Variants in VPS13B observed in about 807,000 individuals in gnomAD.
The protein encoded by VPS13B is vacuolar protein sorting 13 homolog B, also known as intermembrane lipid transfer protein VPS13B.
A neutral mutation model predicts 426.4 loss-of-function variants in VPS13B; 285 were observed. The ratio of observed to expected loss-of-function variants is 0.67; its 90% CI spans 0.61 to 0.74. The LOEUF is 0.74. VPS13B is among the 30% of genes least tolerant of loss of function. VPS13B has a pLI of 0.00. For synonymous variants in VPS13B, 1,676 were observed against 1,676.4 expected (o/e 1.00, Z 0.01); for missense variants, 4,537 against 4,782.6 (o/e 0.95, Z 1.51).
At chr8:99,226,218 G>C (rs1182569176) in intron 17 of VPS13B, among the ~76,000 whole-genome samples, 1 of 152,152 alleles carries the variant, frequency 6.6e-6, no homozygotes, top group Non-Finnish European at 1.5e-5. Flanking sequence ...ATACCTCCTT[G>C]CTGTTGCACA....
intron 8 of VPS13B, among the ~76,000 whole-genome samples, chr8:99,128,363 G>A (rs1809551260): frequency 9.2e-6 from 1 of 109,152 alleles, no homozygotes; most frequent in Admixed American, 1.4e-4. Context: ...CTCCAGCCTG[G>A]GTGACAGAGC....
intron 39 of VPS13B, among the ~76,000 whole-genome samples, chr8:99,732,775 G>A (rs1035086757): frequency 3.3e-5 from 5 of 152,250 alleles, no homozygotes; most frequent in African/African-American, 4.8e-5. Flanking sequence ...TGGGATTTTC[G>A]AAACAAAAAA....
In VPS13B at chr8:99,588,402, T is replaced by C. The variant is rs184900187; in HGVS notation, c.5220+10769T>C. Among the ~76,000 whole-genome samples the C allele has an allele frequency of 8.0e-3, 1,212 of 151,824 alleles. 12 individuals carry two copies. The highest frequency in any genetic ancestry group is 0.037 in the South Asian group (177 of 4,822). On this transcript the variant is annotated intron_variant, in intron 33 of 61. Coordinates refer to ENST00000357162, the MANE Select transcript of VPS13B (RefSeq NM_152564.5). ...GGATGTCATTGAATCTACAAATTACTTTGGACAGTATGGCCATTTTCACAA... is the reference window on the plus strand; with the variant it reads ...GGATGTCATTGAATCTACAAATTACCTTGGACAGTATGGCCATTTTCACAA...
At chr8:99,620,262 C>G (rs955369745) in intron 33 of VPS13B, among the ~76,000 whole-genome samples, 1 of 152,294 alleles carries the variant, frequency 6.6e-6, no homozygotes, top group Admixed American at 6.5e-5. Context: ...CTTCTTAAGA[C>G]AGCAGTAAGT....
At chr8:99,734,690 A>G (rs1297755223) in intron 39 of VPS13B, among the ~76,000 whole-genome samples, 3 of 152,222 alleles carry the variant, frequency 2.0e-5, no homozygotes, top group Admixed American at 2.0e-4. Flanking sequence ...GAAAGGATGA[A>G]TCAGGACATA....
At chr8:99,333,663 G>T (rs1233162217) in intron 19 of VPS13B, among the ~76,000 whole-genome samples, 1 of 151,696 alleles carries the variant, frequency 6.6e-6, no homozygotes, top group Non-Finnish European at 1.5e-5. Context: ...CTTTCCTTCT[G>T]CTTCCTCCTC....
chr8:99,343,290 C>T (rs891979042), intron 19 of VPS13B, among the ~76,000 whole-genome samples: 10 of 151,606 alleles, frequency 6.6e-5, no homozygotes, highest in African/African-American at 2.4e-4. Context: ...GACAGGGTTT[C>T]ACCATGTTGG....
At chr8:99,542,136 G>A (rs973079866) in intron 30 of VPS13B, among the ~76,000 whole-genome samples, 1 of 152,082 alleles carries the variant, frequency 6.6e-6, no homozygotes, top group Admixed American at 6.6e-5. Flanking sequence ...TGATCCGCCC[G>A]CCTTGGCCTC....
Position 99,233,548 on chromosome 8 carries a change from A to C in VPS13B, c.2515+40491A>C, listed in dbSNP as rs554816138. On this transcript the variant is annotated intron_variant, in intron 17 of 61. Transcript: ENST00000357162. ...CGGGCCAAACTGGTGATGGGGGTAC[A>C]GGCTGGAGAAAGTATCTGGAGTGGG... is the stretch of plus-strand genomic sequence containing the variant. 8 of 1,124,800 alleles carry C rather than the reference A, an allele frequency of 7.1e-6. No homozygotes were observed. In the East Asian group the frequency reaches 1.9e-4, roughly 26 times the overall value. The allele number at this position is 1,124,800 out of a possible 1,614,324, so 69.7% of individuals were successfully genotyped here.
intron 2 of VPS13B, among the ~76,000 whole-genome samples, chr8:99,026,310 T>C (rs191215070): frequency 2.0e-5 from 3 of 152,214 alleles, no homozygotes; most frequent in African/African-American, 7.2e-5. Flanking sequence ...GTTTCCAAAG[T>C]GTACTTGTTA....
chr8:99,211,168 AAT>A (rs780566086), intron 17 of VPS13B, among the ~76,000 whole-genome samples: 1 of 152,132 alleles, frequency 6.6e-6, no homozygotes, highest in East Asian at 1.9e-4. Context: ...TGAGAGGCTG[AAT>A]GAAGTAGGCA....
chr8:99,059,456 A>G (rs555329123), intron 3 of VPS13B, among the ~76,000 whole-genome samples: 8 of 152,022 alleles, frequency 5.3e-5, no homozygotes, highest in African/African-American at 1.9e-4. Context: ...GATTACAGGC[A>G]TGAGCCACCA....
At chr8:99,411,602 G>A (rs558578564) in intron 21 of VPS13B, among the ~76,000 whole-genome samples, 22 of 152,070 alleles carry the variant, frequency 1.4e-4, no homozygotes, top group Middle Eastern at 3.4e-3. Context: ...TTTTGTTGCC[G>A]TTGCTTTTGG....
At chr8:99,455,956 G>A (rs1403082184) in intron 23 of VPS13B, among the ~76,000 whole-genome samples, 1 of 152,194 alleles carries the variant, frequency 6.6e-6, no homozygotes, top group Admixed American at 6.5e-5. Context: ...TGTTGTAACT[G>A]ATCATTGATA....
chr8:99,358,704 A>G (rs1158977272), intron 19 of VPS13B, among the ~76,000 whole-genome samples: 1 of 152,196 alleles, frequency 6.6e-6, no homozygotes, highest in Non-Finnish European at 1.5e-5. Context: ...GAAGAATAGC[A>G]GACAGTTATG....
chr8:99,563,241 A>G (rs1825022966), intron 31 of VPS13B, among the ~76,000 whole-genome samples: 1 of 152,224 alleles, frequency 6.6e-6, no homozygotes, highest in South Asian at 2.1e-4. Flanking sequence ...TACACTGGAG[A>G]AACAAAATGA....
chr8:99,665,003 C>T (rs946917488), intron 35 of VPS13B, among the ~76,000 whole-genome samples: 2 of 152,116 alleles, frequency 1.3e-5, no homozygotes, highest in Non-Finnish European at 2.9e-5. Flanking sequence ...TTTTAATGAT[C>T]ACCATTCTAA....
intron 19 of VPS13B, among the ~76,000 whole-genome samples, chr8:99,308,449 G>C (rs558907077): frequency 1.6e-4 from 25 of 152,124 alleles, no homozygotes; most frequent in African/African-American, 5.8e-4. Flanking sequence ...TTGTCCTTGC[G>C]ATAGTTTGCT....
At chr8:99,728,937 G>A (rs957182579) in intron 39 of VPS13B, among the ~76,000 whole-genome samples, 3 of 152,080 alleles carry the variant, frequency 2.0e-5, no homozygotes, top group Admixed American at 6.6e-5. Context: ...TTCTTTCCCC[G>A]TATTTGCTTT....
Sources: allele counts gnomAD v4.1 joint callset (sites outside exome capture counted in the v4.1 genomes callset), GRCh38; gene constraint gnomAD v4.1.1; transcripts MANE v1.5; gene names NCBI Gene and HGNC (gene_info 2026-07-23, HGNC 2026-07-21).